The following ADGRL2 variants were observed in gnomAD, a reference collection of about 807,000 sequenced individuals.
ADGRL2 encodes adhesion G protein-coupled receptor L2.
In ADGRL2, 44 loss-of-function variants were observed where a neutral mutation model predicts 157.4. The observed-to-expected ratio is 0.28, with a 90% CI of 0.22 to 0.36. The LOEUF is 0.36. ADGRL2 is among the 10% of genes least tolerant of loss of function. ADGRL2 has a pLI of 1.00. For synonymous variants in ADGRL2, 585 were observed against 624.7 expected, an observed-to-expected ratio of 0.94 and a Z score of 0.95; for missense variants, 1,510 against 1,768.9, an observed-to-expected ratio of 0.85 and a Z score of 2.63.
intron 1 of ADGRL2, chr1:81,722,352 T>C: frequency 4.2e-6 from 3 of 722,092 alleles, no homozygotes; most frequent in Non-Finnish European, 7.6e-6. Flanking sequence ...GATAAGAAAG[T>C]GGTTGCTATT....
chr1:81,679,894 G>A (rs936090608), intron 3 of ADGRL2, among the ~76,000 whole-genome samples: 1 of 152,082 alleles, frequency 6.6e-6, no homozygotes, highest in African/African-American at 2.4e-5. Context: ...CTCGTAAAAT[G>A]GTTCTTGGGA....
At chr1:81,504,194 C>T (rs1299192257) in intron 2 of ADGRL2, among the ~76,000 whole-genome samples, 4 of 152,130 alleles carry the variant, frequency 2.6e-5, no homozygotes, top group Non-Finnish European at 5.9e-5. Context: ...ATTCTCTGGC[C>T]GCCCCCCCAA....
At chr1:81,342,262 CAT>C (rs1402701270) in intron 1 of ADGRL2, among the ~76,000 whole-genome samples, 1 of 152,080 alleles carries the variant, frequency 6.6e-6, no homozygotes, top group Admixed American at 6.5e-5. Flanking sequence ...TTTAAATGTC[CAT>C]ATGTTTTAGA....
intron 2 of ADGRL2, among the ~76,000 whole-genome samples, chr1:81,504,618 G>T (rs1288859261): frequency 1.3e-5 from 2 of 152,164 alleles, no homozygotes; most frequent in East Asian, 3.9e-4. Flanking sequence ...GAGGAGGTGG[G>T]TGGAGGCATG....
At chr1:81,756,484 A>G (rs1256748977) in intron 1 of ADGRL2, among the ~76,000 whole-genome samples, 1 of 152,162 alleles carries the variant, frequency 6.6e-6, no homozygotes, top group Non-Finnish European at 1.5e-5. Flanking sequence ...GAGATGTCTT[A>G]AGTTTCATAG....
intron 1 of ADGRL2, among the ~76,000 whole-genome samples, chr1:81,434,813 A>G (rs2077381484): frequency 6.6e-6 from 1 of 152,178 alleles, no homozygotes; most frequent in Non-Finnish European, 1.5e-5. Flanking sequence ...CAGGCCTTCA[A>G]ATCTGACAAG....
At chr1:81,892,200 G>GGA (rs1421266691) in intron 2 of ADGRL2, among the ~76,000 whole-genome samples, 1 of 151,930 alleles carries the variant, frequency 6.6e-6, no homozygotes, top group African/African-American at 2.4e-5. Context: ...GCTCTTTAAG[G>GGA]GATAGAACAA....
At chr1:81,534,984 C>T (rs2079698454) in intron 2 of ADGRL2, among the ~76,000 whole-genome samples, 1 of 152,112 alleles carries the variant, frequency 6.6e-6, no homozygotes, top group African/African-American at 2.4e-5. Context: ...CTCTTTCTTC[C>T]CCTACCTCCC....
intron 1 of ADGRL2, among the ~76,000 whole-genome samples, chr1:81,750,876 G>A (rs986296586): frequency 1.3e-5 from 2 of 152,082 alleles, no homozygotes; most frequent in Non-Finnish European, 2.9e-5. Context: ...GGATTTTTAT[G>A]TGCATATATC....
intron 2 of ADGRL2, among the ~76,000 whole-genome samples, chr1:81,578,920 C>T (rs1230749997): frequency 6.6e-6 from 1 of 152,094 alleles, no homozygotes; most frequent in Admixed American, 6.6e-5. Context: ...TTTAGAAAAT[C>T]ATATAAAATA....
At chr1:81,673,676 A>G (rs781086981) in intron 3 of ADGRL2, among the ~76,000 whole-genome samples, 17 of 151,896 alleles carry the variant, frequency 1.1e-4, no homozygotes, top group Non-Finnish European at 1.9e-4. Context: ...CACCACGCCC[A>G]GCTAATTTTT....
chr1:81,945,291 A>T (rs1264894683), intron 6 of ADGRL2, among the ~76,000 whole-genome samples: 2 of 152,078 alleles, frequency 1.3e-5, no homozygotes, highest in Non-Finnish European at 2.9e-5. Flanking sequence ...AGGCATTGAC[A>T]GACTTGTATT....
intron 2 of ADGRL2, among the ~76,000 whole-genome samples, chr1:81,575,446 C>T (rs974015913): frequency 2.8e-5 from 4 of 143,348 alleles, no homozygotes; most frequent in African/African-American, 7.3e-5. Flanking sequence ...CTAATCATTT[C>T]GTATAAATCA....
intron 3 of ADGRL2, among the ~76,000 whole-genome samples, chr1:81,609,252 C>A (rs1335968185): frequency 6.6e-6 from 1 of 151,972 alleles, no homozygotes; most frequent in African/African-American, 2.4e-5. Context: ...GTTGCCCAGG[C>A]TGGTCTCGAA....
chr1:81,420,380 A>G (rs901557760), intron 1 of ADGRL2, among the ~76,000 whole-genome samples: 1 of 152,230 alleles, frequency 6.6e-6, no homozygotes, highest in Non-Finnish European at 1.5e-5. Context: ...TTCTAAAACT[A>G]GAGCAAAAAA....
intron 1 of ADGRL2, among the ~76,000 whole-genome samples, chr1:81,313,055 A>G (rs977826429): frequency 2.6e-5 from 4 of 152,202 alleles, no homozygotes; most frequent in South Asian, 2.1e-4. Flanking sequence ...TACATGCCCA[A>G]AACAATACTA....
chr1:81,546,623 GA>G (rs2080024415), intron 2 of ADGRL2, among the ~76,000 whole-genome samples: 1 of 152,194 alleles, frequency 6.6e-6, no homozygotes, highest in Admixed American at 6.5e-5. Flanking sequence ...GGGCAGTCTA[GA>G]AAAGTTATTT....
chr1:81,947,471 C>G (rs1650273620), intron 6 of ADGRL2, among the ~76,000 whole-genome samples: 1 of 152,084 alleles, frequency 6.6e-6, no homozygotes, highest in Non-Finnish European at 1.5e-5. Context: ...TGACCTTAAA[C>G]AAATTACTTA....
chr1:81,635,883 T>C (rs1439999635), intron 3 of ADGRL2, among the ~76,000 whole-genome samples: 2 of 152,240 alleles, frequency 1.3e-5, no homozygotes. Flanking sequence ...TTGCAACTTC[T>C]TTATAGCATC....
Sources: gnomAD v4.1 joint callset for allele counts (sites outside exome capture counted in the v4.1 genomes callset) on GRCh38, gnomAD v4.1.1 for gene constraint, MANE v1.5 for transcripts, NCBI Gene and HGNC (gene_info 2026-07-23, HGNC 2026-07-21) for gene names.